GEM: variants seen among roughly 807,000 people sequenced by gnomAD.
The protein encoded by GEM is GTP binding protein overexpressed in skeletal muscle, also known as GTP-binding protein GEM.
In GEM, 31 loss-of-function variants were observed where a neutral mutation model predicts 33.0. The ratio of observed to expected loss-of-function variants is 0.94; its 90% confidence interval spans 0.71 to 1.27. The LOEUF is 1.27. Ranked by LOEUF, GEM falls within the 50% of genes most tolerant of loss-of-function variation. The pLI is 0.00. For synonymous variants in GEM, 141 were observed against 143.7 expected (o/e 0.98, Z 0.13); for missense variants, 354 against 390.5 (o/e 0.91, Z 0.79).
At chr8:94,250,763 T>C (rs1299070958) in intron 4 of GEM, among the ~76,000 whole-genome samples, 176 bp from the exon 5 acceptor site, 1 of 152,072 alleles carries the variant, frequency 6.6e-6, no homozygotes, top group Non-Finnish European at 1.5e-5. Flanking sequence ...CACTGGAGGG[T>C]CCCTGGAAGT....
At chr8:94,256,807 G>C (rs1808900346) in intron 2 of GEM, among the ~76,000 whole-genome samples, 1 of 152,364 alleles carries the variant, frequency 6.6e-6, no homozygotes, top group Admixed American at 6.5e-5. Flanking sequence ...TTCAGAATCA[G>C]CTCTAACTAA....
chr8:94,260,080 C>A (rs1808980822), intron 2 of GEM, 93 bp downstream of exon 2: 1 of 817,608 alleles, frequency 1.2e-6, no homozygotes, highest in Non-Finnish European at 2.0e-6. Flanking sequence ...AACTTCAGCT[C>A]CCAACTCTGT....
chr8:94,256,067 T>C (rs1055775997), intron 2 of GEM, among the ~76,000 whole-genome samples: 26 of 152,132 alleles, frequency 1.7e-4, no homozygotes, highest in Non-Finnish European at 2.9e-5. Flanking sequence ...CTAAGTCAGT[T>C]TAGTGAGAAT....
intron 4 of GEM, among the ~76,000 whole-genome samples, chr8:94,251,418 A>G (rs1808767664): frequency 6.8e-6 from 1 of 148,060 alleles, no homozygotes; most frequent in Non-Finnish European, 1.5e-5. Context: ...AGGGCCCGGC[A>G]ATGTAGTATT....
In GEM at chr8:94,250,007, C is replaced by A; in HGVS notation, c.*303G>T. The stretch of plus-strand genomic sequence containing the variant: ...ATGAAAAGTTCTTGTTCTAGGCATT[C>A]TTTGTAAGCTTTACTTCTCTACTAT... On this transcript the variant is annotated 3_prime_UTR_variant, in exon 5 of 5. Coordinates refer to ENST00000297596, the MANE Select transcript of GEM (RefSeq NM_005261.4). 3.4e-6 allele frequency: 1 copy of A among 294,750 alleles called. No homozygotes were observed. The highest frequency in any genetic ancestry group is 5.0e-5 in the Admixed American group (1 of 20,052). The allele number at this position is 294,750 out of a possible 1,614,324, so 18.3% of individuals were successfully genotyped here.
chr8:94,255,963 T>C (rs1423582084), intron 2 of GEM, among the ~76,000 whole-genome samples: 1 of 152,170 alleles, frequency 6.6e-6, no homozygotes, highest in African/African-American at 2.4e-5. Context: ...CTGACCAAAC[T>C]TTAGTCAGGC....
intron 1 of GEM, 36 bp from the exon 2 acceptor site, chr8:94,260,548 A>G: frequency 8.0e-7 from 1 of 1,250,600 alleles, no homozygotes; most frequent in Non-Finnish European, 1.1e-6. Flanking sequence ...CAGCATTAGT[A>G]AGCATGAGTG....
chr8:94,251,809 T>C (rs1288992959), intron 4 of GEM, among the ~76,000 whole-genome samples: 1 of 152,210 alleles, frequency 6.6e-6, no homozygotes, highest in Non-Finnish European at 1.5e-5. Flanking sequence ...ATTAGTATCC[T>C]GCAGGTAGAC....
rs1306982363 is a variant in GEM at position 94,250,260 on chromosome 8, A to G, written c.*50T>C. The G allele has an allele frequency of 2.1e-6, 3 of 1,452,068 alleles. No individual in the cohort carries two copies. Among genetic ancestry groups the G allele is most frequent in the East Asian group, 2.3e-5 (1 of 43,914 alleles). 89.9% of individuals were successfully genotyped at this position (1,452,068 alleles called of 1,614,324 possible). ...AATCTAATATAGATTATTGGTCCCA[A>G]TGGCCTTCAACAACGGCCATCAAAG... On this transcript the variant is annotated 3_prime_UTR_variant, in exon 5 of 5. Coordinates refer to ENST00000297596, the MANE Select transcript of GEM (RefSeq NM_005261.4).
In GEM at chr8:94,249,976, T is replaced by A. The variant is rs1456404595; in HGVS notation, c.*334A>T. On this transcript the variant is annotated 3_prime_UTR_variant, in exon 5 of 5. Transcript: ENST00000297596. ...CATATCAGAACACTGGGAAAAATTTTTAATGATGAAAAGTTCTTGTTCTAG... is the reference window on the plus strand; with the variant it reads ...CATATCAGAACACTGGGAAAAATTTATAATGATGAAAAGTTCTTGTTCTAG... 1 of 217,644 alleles carries A rather than the reference T, an allele frequency of 4.6e-6. No homozygotes were observed. The highest frequency in any genetic ancestry group is 8.9e-6 in the Non-Finnish European group (1 of 112,290). The allele number at this position is 217,644 out of a possible 1,614,324, so 13.5% of individuals were successfully genotyped here.
At position 94,252,026 on chromosome 8, in the gene GEM, A is replaced by T. The variant is rs1437771143; in HGVS notation, c.606T>A (p.Ser202=). The change falls in exon 4 of 5, where the codon TCT becomes TCA. Residue 202 remains serine (S), a synonymous_variant. Transcript: ENST00000297596. ...TGGCTCTGCTCCTCTTACCTGATAC[A>T]GACACTTCTCGGCACCGCACTAAGT... ...KSDLVRCREV[S]VSEGRACAVV... 6.2e-7 allele frequency: 1 copy of T among 1,611,618 alleles called. No homozygotes were observed. The highest frequency in any genetic ancestry group is 8.5e-7 in the Non-Finnish European group (1 of 1,177,666).
intron 4 of GEM, among the ~76,000 whole-genome samples, chr8:94,251,518 T>C (rs1357227904): frequency 6.6e-6 from 1 of 152,218 alleles, no homozygotes; most frequent in African/African-American, 2.4e-5. Flanking sequence ...ACTCAGCAGA[T>C]AGAGATTTTC....
At chr8:94,252,317 C>A (rs1447255529) in intron 3 of GEM, 94 bp from the exon 4 acceptor site, 2 of 840,440 alleles carry the variant, frequency 2.4e-6, no homozygotes, top group Non-Finnish European at 3.9e-6. Context: ...CTAAAGTACA[C>A]TTGCTGATAG....
At chr8:94,254,671 C>T (rs1444390190) in intron 2 of GEM, among the ~76,000 whole-genome samples, 1 of 152,194 alleles carries the variant, frequency 6.6e-6, no homozygotes, top group African/African-American at 2.4e-5. Flanking sequence ...TCTTGTTTTA[C>T]AATAGCGAGC....
rs1237330383 is a variant in GEM at position 94,253,097 on chromosome 8, C to T, written c.347G>A (p.Arg116Gln). The T allele has an allele frequency of 8.8e-6, 14 of 1,584,118 alleles. No homozygotes were observed. Among genetic ancestry groups the T allele is most frequent in the South Asian group, 2.2e-5 (2 of 90,388 alleles). The change falls in exon 3 of 5, where the codon CGA becomes CAA. Residue 116 changes from arginine (R) to glutamine (Q), a missense_variant. Coordinates refer to ENST00000297596, the MANE Select transcript of GEM (RefSeq NM_005261.4). ...ACTTTCCCCATCAACCATCAGGGTTCGTTCATATGTATCTTCTAGAGAAGA... is the reference window on the plus strand; with the variant it reads ...ACTTTCCCCATCAACCATCAGGGTTTGTTCATATGTATCTTCTAGAGAAGA... ...CEVLGEDTYERTLMVDGESAT... is the reference protein window; with the variant it reads ...CEVLGEDTYEQTLMVDGESAT...
intron 2 of GEM, among the ~76,000 whole-genome samples, chr8:94,259,209 G>A (rs892602258): frequency 2.0e-5 from 3 of 152,198 alleles, no homozygotes; most frequent in Non-Finnish European, 4.4e-5. Context: ...ACCTCCAGAT[G>A]AGATGGGCTG....
intron 2 of GEM, among the ~76,000 whole-genome samples, chr8:94,253,629 C>T (rs906653405): frequency 1.6e-4 from 24 of 151,694 alleles, no homozygotes; most frequent in Admixed American, 6.6e-5. Context: ...TTGAGACTCT[C>T]CCTGTTTTGG....
At position 94,262,302 on chromosome 8, in the gene GEM, C is replaced by G. The variant is rs1339779636; in HGVS notation, c.-222G>C. The G allele has an allele frequency of 6.6e-6, 1 of 152,180 alleles. No homozygotes were observed. The highest frequency in any genetic ancestry group is 1.5e-5 in the Non-Finnish European group (1 of 68,058). 9.4% of individuals were successfully genotyped at this position (152,180 alleles called of 1,614,324 possible). On this transcript the variant is annotated 5_prime_UTR_variant, in exon 1 of 5. Coordinates refer to ENST00000297596, the MANE Select transcript of GEM (RefSeq NM_005261.4). The stretch of plus-strand genomic sequence containing the variant: ...GCGGGGAGTGCTGCGCTGTGCCCGC[C>G]GTCCTTGCCCGCCGCCTGCAGCCGC...
Position 94,250,469 on chromosome 8 carries a change from G to A in GEM, c.732C>T (p.Asp244=), listed in dbSNP as rs781697524. 47 of 1,614,062 alleles carry A rather than the reference G, an allele frequency of 2.9e-5. No homozygotes were observed. The highest frequency in any genetic ancestry group is 3.9e-5 in the Non-Finnish European group (46 of 1,180,038). The change falls in exon 5 of 5, where the codon GAC becomes GAT. Residue 244 remains aspartate, a synonymous_variant. Coordinates refer to ENST00000297596, the MANE Select transcript of GEM (RefSeq NM_005261.4). ...GIVRQVRLRR[D]SKEKNERRLA... ...GCCGCCGTTCATTCTTCTCCTTGCT[G>A]TCCCGCCGAAGGCGCACCTGTCGCA...
Sources: gnomAD v4.1 joint callset for allele counts (sites outside exome capture counted in the v4.1 genomes callset) on GRCh38, gnomAD v4.1.1 for gene constraint, MANE v1.5 for transcripts, NCBI Gene and HGNC (gene_info 2026-07-23, HGNC 2026-07-21) for gene names.